ACTN1: variants seen among roughly 807,000 people sequenced by gnomAD.
ACTN1 encodes the protein alpha-actinin-1.
Under a neutral mutation model 119.6 loss-of-function variants are expected in ACTN1, and 30 were observed. The ratio of observed to expected loss-of-function variants is 0.25; its 90% CI spans 0.19 to 0.34. The LOEUF is 0.34. Among genes scored for constraint, ACTN1 ranks in the 10% least tolerant of loss-of-function variants. The pLI, the probability that ACTN1 is intolerant of heterozygous loss-of-function variation, is 1.00. For synonymous variants in ACTN1, 429 were observed against 472.6 expected, an observed-to-expected ratio of 0.91 and a Z score of 1.20; for missense variants, 764 against 1,223.4, an observed-to-expected ratio of 0.62 and a Z score of 5.60.
chr14:68,942,106 C>T (rs2035779073), intron 1 of ACTN1, among the ~76,000 whole-genome samples: 1 of 152,202 alleles, frequency 6.6e-6, no homozygotes, highest in African/African-American at 2.4e-5. Flanking sequence ...CAAGCCACCA[C>T]AAGTCACAGC....
chr14:68,944,434 TC>T (rs898494091), intron 1 of ACTN1, among the ~76,000 whole-genome samples: 7 of 152,208 alleles, frequency 4.6e-5, no homozygotes, highest in Non-Finnish European at 1.0e-4. Context: ...ATTCATTCCT[TC>T]CTTCCATAAA....
rs190706387 is a variant in ACTN1, at chr14:68,888,102, C to T, written c.1234+2037G>A. 2.2e-3 allele frequency: 1,431 copies of T among 655,836 alleles called. 12 individuals carry two copies. The highest frequency in any genetic ancestry group is 4.2e-3 in the Middle Eastern group (16 of 3,780). 40.6% of individuals were successfully genotyped at this position (655,836 alleles called of 1,614,324 possible). A position where few individuals can be genotyped will look rare whatever the true frequency, so the allele number is the denominator to read the frequency against. ...TTGGGCATCCTGGCGGCAGGGAGGG[C>T]GCGTGCCAGGTGTCTGCGGGCCGCG... is the stretch of plus-strand genomic sequence containing the variant. On this transcript the variant is annotated intron_variant, in intron 11 of 21. Coordinates refer to ENST00000394419, the MANE Select transcript of ACTN1 (RefSeq NM_001130004.2).
intron 13 of ACTN1, 114 bp downstream of exon 13, chr14:68,884,661 A>T: frequency 1.1e-6 from 1 of 894,078 alleles, no homozygotes; most frequent in Non-Finnish European, 1.8e-6. Flanking sequence ...GGGTTGGGGG[A>T]GGTCTGGGGA....
At chr14:68,951,876 CTT>C (rs2036182501) in intron 1 of ACTN1, among the ~76,000 whole-genome samples, 1 of 152,226 alleles carries the variant, frequency 6.6e-6, no homozygotes, top group Admixed American at 6.5e-5. Flanking sequence ...TTTCTAAACT[CTT>C]ACCCTGTGCC....
intron 1 of ACTN1, 24 bp downstream of exon 1, chr14:68,978,928 C>CTGGGGGCTGT (rs1566689087): frequency 7.1e-5 from 102 of 1,430,136 alleles, no homozygotes; most frequent in Non-Finnish European, 9.5e-5. Context: ...CTGGGGGCTG[C>CTGGGGGCTGT]AGCGGGCGGG....
At chr14:68,900,327 G>A (rs2033227076) in intron 8 of ACTN1, among the ~76,000 whole-genome samples, 1 of 152,032 alleles carries the variant, frequency 6.6e-6, no homozygotes, top group African/African-American at 2.4e-5. Flanking sequence ...GCACACACGT[G>A]GCACTTGTGA....
chr14:68,946,353 A>G (rs1045495850), intron 1 of ACTN1, among the ~76,000 whole-genome samples: 1 of 152,228 alleles, frequency 6.6e-6, no homozygotes, highest in Non-Finnish European at 1.5e-5. Flanking sequence ...AGGAGGAAGC[A>G]GACAAGGCAG....
At chr14:68,906,688 G>A (rs1487602036) in intron 6 of ACTN1, among the ~76,000 whole-genome samples, 5 of 152,192 alleles carry the variant, frequency 3.3e-5, no homozygotes, top group African/African-American at 1.2e-4. Flanking sequence ...TTCCCAGTCG[G>A]AGCCCCTCAG....
In ACTN1 at chr14:68,878,357, C is replaced by T. The variant is rs2031125625; in HGVS notation, c.2427+101G>A. On this transcript the variant is annotated intron_variant, in intron 20 of 21. Coordinates refer to ENST00000394419, the MANE Select transcript of ACTN1 (RefSeq NM_001130004.2). The surrounding 1 kb of genome is among the most constrained non-coding windows in gnomAD (Gnocchi z 4.4). ...TGGGGCTCCTCCAGGGAGGGCAGCC[C>T]CTAGCCTGAGGGCCTCCAGCCTGCC... The T allele has an allele frequency of 1.4e-6, 2 of 1,468,902 alleles. No individual in the cohort carries two copies. The highest frequency in any genetic ancestry group is 1.4e-5 in the African/African-American group (1 of 70,580). The allele number at this position is 1,468,902 out of a possible 1,614,324, so 91.0% of individuals were successfully genotyped here.
intron 1 of ACTN1, among the ~76,000 whole-genome samples, chr14:68,969,202 A>C (rs1008407775): frequency 6.6e-6 from 1 of 152,268 alleles, no homozygotes; most frequent in African/African-American, 2.4e-5. Flanking sequence ...GAAAGCTACA[A>C]AGCAAAACTT....
rs1028487167 is a variant in ACTN1, at chr14:68,946,931, C to T, written c.106-21259G>A. Among the ~76,000 whole-genome samples the T allele has an allele frequency of 2.0e-5, 3 of 152,198 alleles. No homozygotes were observed. The East Asian group carries it at 5.8e-4, about 29-fold the overall frequency. On this transcript the variant is annotated intron_variant, in intron 1 of 21. Transcript: ENST00000394419. The stretch of plus-strand genomic sequence containing the variant: ...AAATCTGCTTCCACCACAAGGAGCT[C>T]AGGGCCTCAGGCCAGCCCCTTCAAG...
At chr14:68,911,228 T>C (rs565866175) in intron 4 of ACTN1, among the ~76,000 whole-genome samples, 12 of 152,350 alleles carry the variant, frequency 7.9e-5, no homozygotes, top group Admixed American at 2.0e-4. Flanking sequence ...AAGCTCTTCG[T>C]CAGCTAAATC....
In ACTN1 at chr14:68,892,267, C is replaced by T. The variant is rs78516994; in HGVS notation, c.872G>A (p.Arg291His). 626 of 1,612,968 alleles carry T rather than the reference C, an allele frequency of 3.9e-4. 8 individuals carry two copies. The East Asian group carries it at 0.013, about 35-fold the overall frequency. The change falls in exon 10 of 22, where the codon CGC (arginine) becomes CAC (histidine). Residue 291 changes from arginine (R) to histidine (H), a missense_variant. Coordinates refer to ENST00000394419, the MANE Select transcript of ACTN1 (RefSeq NM_001130004.2). ...GTTCTCCAGCCACGGGATTGTGCGG[C>T]GGATCCACTCCAACAGCTAGGGTGG... ...KLASDLLEWI[R>H]RTIPWLENRV...
chr14:68,961,572 G>C (rs926394473), intron 1 of ACTN1, among the ~76,000 whole-genome samples: 3 of 152,200 alleles, frequency 2.0e-5, no homozygotes, highest in South Asian at 2.1e-4. Flanking sequence ...GGGCACGGGG[G>C]TGGGCTATAG....
rs2033895696 is a variant in ACTN1, at chr14:68,909,868, G to A, written c.515+87C>T. On this transcript the variant is annotated intron_variant, in intron 5 of 21. Transcript: ENST00000394419. This position sits in a 1 kb window ranked among gnomAD's most constrained non-coding sequence, Gnocchi z 4.1. ...CCAGAGGTCTCCACTTTGTTCTAAA[G>A]CTGAGACTGACCCAGCCAAGGGGGT... The A allele has an allele frequency of 8.6e-7, 1 of 1,167,004 alleles. No homozygotes were observed. Among genetic ancestry groups the A allele is most frequent in the East Asian group, 2.3e-5 (1 of 42,756 alleles). 72.3% of individuals were successfully genotyped at this position (1,167,004 alleles called of 1,614,324 possible).
chr14:68,978,103 G>T (rs374998621), intron 1 of ACTN1: 7 of 455,056 alleles, frequency 1.5e-5, no homozygotes, highest in Non-Finnish European at 2.7e-5. Flanking sequence ...GGCACACCGC[G>T]CCTGCCTGGG....
chr14:68,976,441 A>G (rs1003651363), intron 1 of ACTN1, among the ~76,000 whole-genome samples: 1 of 152,176 alleles, frequency 6.6e-6, no homozygotes, highest in Non-Finnish European at 1.5e-5. Flanking sequence ...ATATCACCCT[A>G]CTGAGAACTA....
intron 12 of ACTN1, 59 bp from the exon 13 acceptor site, chr14:68,884,942 CCT>C: frequency 1.4e-6 from 2 of 1,411,848 alleles, no homozygotes; most frequent in Non-Finnish European, 2.0e-6. Context: ...GGCCCATCTC[CCT>C]CTCTCTGAGG....
chr14:68,921,181 G>C (rs1206941988), intron 2 of ACTN1, 56 bp from the exon 3 acceptor site: 1 of 1,601,382 alleles, frequency 6.2e-7, no homozygotes, highest in Admixed American at 1.7e-5. Flanking sequence ...CCAGGGGCCA[G>C]AGCTACTACC....
Sources: gnomAD v4.1 joint callset for allele counts (sites outside exome capture counted in the v4.1 genomes callset) on GRCh38, gnomAD v4.1.1 for gene constraint, Gnocchi (gnomAD v3.1) non-coding constraint, MANE v1.5 for transcripts, NCBI Gene and HGNC (gene_info 2026-07-23, HGNC 2026-07-21) for gene names.